NRXN3: variants seen among roughly 807,000 people sequenced by gnomAD.
NRXN3 encodes neurexin 3.
Under a neutral mutation model 137.6 loss-of-function variants are expected in NRXN3, and 32 were observed. The observed-to-expected ratio is 0.23, with a 90% CI of 0.18 to 0.31. NRXN3 has a LOEUF of 0.31. NRXN3 is among the 10% of genes least tolerant of loss of function. The pLI, the probability that NRXN3 is intolerant of heterozygous loss-of-function variation, is 1.00. For missense variants in NRXN3, 1,574 were observed against 2,062.5 expected, an observed-to-expected ratio of 0.76 and a Z score of 4.59; for synonymous variants, 798 against 784.5, an observed-to-expected ratio of 1.02 and a Z score of -0.29.
At chr14:79,410,808 G>GAGAC (rs1197912127) in intron 15 of NRXN3, among the ~76,000 whole-genome samples, 3 of 152,030 alleles carry the variant, frequency 2.0e-5, no homozygotes, top group Non-Finnish European at 4.4e-5. Flanking sequence ...CTCAACCACT[G>GAGAC]TCCTAGGTAA....
intron 20 of NRXN3, among the ~76,000 whole-genome samples, chr14:79,821,939 A>C (rs1347445738): frequency 6.6e-6 from 1 of 152,088 alleles, no homozygotes; most frequent in African/African-American, 2.4e-5. Context: ...ATATCCAAAG[A>C]TTTCTATTTT....
chr14:79,174,751 G>T (rs1259205772), intron 15 of NRXN3, among the ~76,000 whole-genome samples: 3 of 151,830 alleles, frequency 2.0e-5, no homozygotes, highest in African/African-American at 4.8e-5. Context: ...GAATGGACTT[G>T]ATCTGTCTTC....
intron 4 of NRXN3, among the ~76,000 whole-genome samples, chr14:78,566,766 C>T (rs985100074): frequency 6.6e-6 from 1 of 152,170 alleles, no homozygotes; most frequent in African/African-American, 2.4e-5. Context: ...GGGAAGAAAG[C>T]TTTACTCGGT....
At chr14:78,684,479 C>T (rs969431681) in intron 6 of NRXN3, among the ~76,000 whole-genome samples, 18 of 152,168 alleles carry the variant, frequency 1.2e-4, no homozygotes, top group African/African-American at 4.3e-4. Context: ...GTCAGGTCTA[C>T]TTGGAATGAG....
intron 15 of NRXN3, among the ~76,000 whole-genome samples, chr14:79,297,457 A>C (rs1012836919): frequency 1.3e-5 from 2 of 152,172 alleles, no homozygotes; most frequent in African/African-American, 4.8e-5. Flanking sequence ...CCTATATTTT[A>C]TCTGGCAACC....
At chr14:79,343,409 T>C (rs1598930066) in intron 15 of NRXN3, among the ~76,000 whole-genome samples, 1 of 152,164 alleles carries the variant, frequency 6.6e-6, no homozygotes, top group Non-Finnish European at 1.5e-5. Flanking sequence ...CAAGATGGAG[T>C]CAGTTAAGTT....
intron 8 of NRXN3, among the ~76,000 whole-genome samples, chr14:78,791,880 G>A (rs1200452976): frequency 6.6e-6 from 1 of 152,076 alleles, no homozygotes; most frequent in Non-Finnish European, 1.5e-5. Flanking sequence ...CAGAAAAAAA[G>A]TGTATAGAAC....
At chr14:79,257,856 G>A (rs970164062) in intron 15 of NRXN3, among the ~76,000 whole-genome samples, 3 of 151,666 alleles carry the variant, frequency 2.0e-5, no homozygotes, top group Non-Finnish European at 4.4e-5. Flanking sequence ...TTTTCCTTAA[G>A]AAATTAACTT....
intron 15 of NRXN3, among the ~76,000 whole-genome samples, chr14:79,039,317 G>C (rs1273742881): frequency 1.3e-5 from 2 of 152,112 alleles, no homozygotes; most frequent in African/African-American, 4.8e-5. Flanking sequence ...CTTTCTGTAT[G>C]TTAATGGAAC....
intron 10 of NRXN3, among the ~76,000 whole-genome samples, chr14:78,839,032 T>G (rs986943844): frequency 6.6e-6 from 1 of 152,170 alleles, no homozygotes; most frequent in Non-Finnish European, 1.5e-5. Context: ...AGTGGATGCT[T>G]TCTCTTCCCT....
At chr14:79,234,378 TTTATTA>T (rs1309612632) in intron 15 of NRXN3, among the ~76,000 whole-genome samples, 2 of 139,494 alleles carry the variant, frequency 1.4e-5, no homozygotes, top group Admixed American at 7.4e-5. Flanking sequence ...TATGTAGCTC[TTTATTA>T]TTATTATTAT....
At chr14:79,296,936 G>A (rs569418223) in intron 15 of NRXN3, among the ~76,000 whole-genome samples, 1 of 152,314 alleles carries the variant, frequency 6.6e-6, no homozygotes, top group South Asian at 2.1e-4. Context: ...AGCACGTTTA[G>A]CCTCATCACT....
chr14:79,151,571 T>C (rs1052665689), intron 15 of NRXN3, among the ~76,000 whole-genome samples: 2 of 152,068 alleles, frequency 1.3e-5, no homozygotes, highest in African/African-American at 4.8e-5. Context: ...ACTGGATTCA[T>C]TGCTCAAGGA....
chr14:78,688,614 A>G (rs1158890133), intron 6 of NRXN3, among the ~76,000 whole-genome samples: 1 of 152,162 alleles, frequency 6.6e-6, no homozygotes, highest in Non-Finnish European at 1.5e-5. Context: ...GAAAAGGGAC[A>G]TGGTGTCAAG....
At chr14:78,192,116 G>A (rs2060806686) in intron 1 of NRXN3, among the ~76,000 whole-genome samples, 1 of 150,490 alleles carries the variant, frequency 6.6e-6, no homozygotes, top group Non-Finnish European at 1.5e-5. Context: ...GTGAGAGAGA[G>A]AGCATACATG....
intron 15 of NRXN3, among the ~76,000 whole-genome samples, chr14:79,394,917 G>A (rs2094968835): frequency 6.6e-6 from 1 of 152,166 alleles, no homozygotes; most frequent in African/African-American, 2.4e-5. Context: ...TGTAAATGCA[G>A]TTCTGTCTAG....
intron 8 of NRXN3, among the ~76,000 whole-genome samples, chr14:78,767,837 G>A (rs933868212): frequency 6.6e-6 from 1 of 152,150 alleles, no homozygotes; most frequent in Non-Finnish European, 1.5e-5. Context: ...TGGGCTAGAA[G>A]TATGGGTTTG....
At chr14:79,132,994 G>A (rs1191631985) in intron 15 of NRXN3, among the ~76,000 whole-genome samples, 1 of 152,178 alleles carries the variant, frequency 6.6e-6, no homozygotes, top group African/African-American at 2.4e-5. Flanking sequence ...CATGATCTTA[G>A]GCAAGATGGT....
At chr14:78,819,305 C>G (rs1160870519) in intron 10 of NRXN3, among the ~76,000 whole-genome samples, 1 of 152,010 alleles carries the variant, frequency 6.6e-6, no homozygotes, top group East Asian at 1.9e-4. Context: ...GGTTCTGCAT[C>G]TGCAGATTCA....
Sources: allele counts gnomAD v4.1 joint callset (sites outside exome capture counted in the v4.1 genomes callset), GRCh38; gene constraint gnomAD v4.1.1; transcripts MANE v1.5; gene names NCBI Gene and HGNC (gene_info 2026-07-23, HGNC 2026-07-21).